The following CCAR1 variants were observed in gnomAD, a reference collection of about 807,000 sequenced individuals.
CCAR1 encodes the protein cell division cycle and apoptosis regulator 1.
Under a neutral mutation model 163.8 loss-of-function variants are expected in CCAR1, and 78 were observed. That is an observed-to-expected ratio of 0.48 (90% CI 0.40 to 0.57). The LOEUF is 0.57. CCAR1 is among the 20% of genes least tolerant of loss of function. The pLI is 0.00. For synonymous variants in CCAR1, 443 were observed against 460.7 expected (o/e 0.96, Z 0.49); for missense variants, 1,019 against 1,365.2 (o/e 0.75, Z 4.00).
chr10:68,758,555 A>C (rs2490170), intron 15 of CCAR1, among the ~76,000 whole-genome samples: 96,134 of 144,906 alleles, frequency 0.66, 32,710 homozygotes, highest in Non-Finnish European at 0.73. Flanking sequence ...TATACAGTGT[A>C]TACATATATA....
At chr10:68,787,891 T>C in intron 21 of CCAR1, 36 bp from the exon 22 acceptor site, 2 of 1,548,454 alleles carry the variant, frequency 1.3e-6, no homozygotes, top group Non-Finnish European at 1.7e-6. Context: ...AAATGTATTT[T>C]CATCTCTGTA....
chr10:68,790,144 A>G (rs561771317), intron 24 of CCAR1, among the ~76,000 whole-genome samples: 1 of 152,204 alleles, frequency 6.6e-6, no homozygotes, highest in East Asian at 1.9e-4. Flanking sequence ...ACCTGAGGTC[A>G]GGAGTTCAAG....
chr10:68,742,820 T>A (rs1028102618), intron 6 of CCAR1, among the ~76,000 whole-genome samples: 2 of 152,172 alleles, frequency 1.3e-5, no homozygotes, highest in Admixed American at 1.3e-4. Flanking sequence ...TTTCACCATG[T>A]CGGCCAGATT....
chr10:68,724,120 C>T (rs551278541), intron 2 of CCAR1, among the ~76,000 whole-genome samples: 13 of 150,412 alleles, frequency 8.6e-5, no homozygotes, highest in East Asian at 2.0e-4. Context: ...ATCACACCAC[C>T]GCACTCCAGC....
At chr10:68,765,845 C>A in intron 16 of CCAR1, 43 bp from the exon 17 acceptor site, 1 of 1,387,204 alleles carries the variant, frequency 7.2e-7, no homozygotes, top group Non-Finnish European at 1.0e-6. Context: ...TATATACATC[C>A]TACTTGCAGA....
Position 68,788,222 on chromosome 10 carries a change from C to T in CCAR1, c.3081C>T (p.Tyr1027=). 1 of 1,603,640 alleles carries T rather than the reference C, an allele frequency of 6.2e-7. No homozygotes were observed. Among genetic ancestry groups the T allele is most frequent in the South Asian group, 1.1e-5 (1 of 88,720 alleles). The change falls in exon 23 of 25, where the codon TAC becomes TAT. Residue 1027 remains tyrosine, a synonymous_variant. Transcript: ENST00000265872. ...AAGAAAATGTTGGCCTCATTGTGTA[C>T]AATGGTGCAATGGTAGATGTAGGAA... ...DVEENVGLIV[Y]NGAMVDVGSL...
intron 2 of CCAR1, among the ~76,000 whole-genome samples, chr10:68,734,571 A>G (rs1310110054): frequency 2.0e-5 from 3 of 151,840 alleles, no homozygotes; most frequent in African/African-American, 7.3e-5. Flanking sequence ...GTCTTGGCTC[A>G]CTGCAACCTC....
At chr10:68,757,203 C>G in intron 14 of CCAR1, 91 bp from the exon 15 acceptor site, 1 of 723,808 alleles carries the variant, frequency 1.4e-6, no homozygotes, top group East Asian at 2.8e-5. Flanking sequence ...CATTTGTGAC[C>G]TTGCACAGAT....
intron 12 of CCAR1, 46 bp from the exon 13 acceptor site, chr10:68,755,324 T>C (rs781727795): frequency 6.6e-7 from 1 of 1,514,910 alleles, no homozygotes; most frequent in African/African-American, 1.4e-5. Flanking sequence ...ATTGGTAATT[T>C]GACAGGGTGC....
intron 19 of CCAR1, among the ~76,000 whole-genome samples, chr10:68,778,180 CG>C (rs941816087): frequency 2.0e-5 from 3 of 152,246 alleles, no homozygotes; most frequent in Admixed American, 1.3e-4. Flanking sequence ...TGTGCCACTA[CG>C]TTCCAGCCTG....
At chr10:68,729,075 A>G (rs995637967) in intron 2 of CCAR1, among the ~76,000 whole-genome samples, 6 of 152,196 alleles carry the variant, frequency 3.9e-5, no homozygotes, top group Non-Finnish European at 5.9e-5. Context: ...AAATATACTT[A>G]GTGTGACTGA....
At chr10:68,722,634 G>A (rs2055875721) in intron 2 of CCAR1, 57 bp downstream of exon 2, 5 of 1,333,542 alleles carry the variant, frequency 3.7e-6, no homozygotes, top group East Asian at 2.3e-5. Flanking sequence ...TTAAAACTAC[G>A]TGAATTAGGG....
intron 19 of CCAR1, among the ~76,000 whole-genome samples, chr10:68,774,001 T>C (rs12219809): frequency 6.6e-6 from 1 of 152,038 alleles, no homozygotes; most frequent in East Asian, 2.0e-4. Context: ...CAAGCGATTC[T>C]CCTGCCTCAG....
chr10:68,746,501 C>T (rs1436756862), intron 6 of CCAR1, among the ~76,000 whole-genome samples: 4 of 152,024 alleles, frequency 2.6e-5, no homozygotes, highest in African/African-American at 7.2e-5. Flanking sequence ...AAGTGATCTG[C>T]CCACCTTAGT....
intron 20 of CCAR1, 46 bp downstream of exon 20, chr10:68,786,264 A>G (rs1292798963): frequency 2.3e-6 from 3 of 1,281,584 alleles, no homozygotes; most frequent in Non-Finnish European, 3.4e-6. Context: ...GATATCTTAC[A>G]TCATCTAAAC....
intron 24 of CCAR1, among the ~76,000 whole-genome samples, chr10:68,790,315 ATT>A (rs2056838880): frequency 1.3e-5 from 2 of 151,404 alleles, no homozygotes; most frequent in Non-Finnish European, 2.9e-5. Context: ...AGATTGCACC[ATT>A]GCACTCTAGC....
chr10:68,722,315 T>A (rs1403891719), intron 1 of CCAR1, 140 bp from the exon 2 acceptor site: 2 of 567,284 alleles, frequency 3.5e-6, no homozygotes, highest in African/African-American at 1.9e-5. Flanking sequence ...CATTTGCCCT[T>A]TTTCTACTTA....
Position 68,771,300 on chromosome 10 carries a change from A to G in CCAR1, c.2393A>G (p.Asp798Gly). ...KSLLSLPEKE[D>G]KKEKDKKSKK... ...TTACTGTCTCTTCCTGAGAAAGAGG[A>G]CAAAAAAGAAAAGGATAAAAAAAGC... Residue 798 changes from aspartate to glycine, a missense_variant, in exon 18 of 25, where the codon GAC becomes GGC. Physicochemically the swap from Asp to Gly is moderately conservative, Grantham distance 94. Around this residue, in one of 4 missense-constraint regions of CCAR1, gnomAD observed 358 missense variants for 406.4 expected, o/e 0.88. Transcript: ENST00000265872. 1 of 1,608,220 alleles carries G rather than the reference A, an allele frequency of 6.2e-7. No homozygotes were observed. Among genetic ancestry groups the G allele is most frequent in the Non-Finnish European group, 8.5e-7 (1 of 1,176,698 alleles).
chr10:68,757,139 A>G (rs1176208469), intron 14 of CCAR1, among the ~76,000 whole-genome samples, 155 bp from the exon 15 acceptor site: 2 of 152,226 alleles, frequency 1.3e-5, no homozygotes, highest in African/African-American at 4.8e-5. Context: ...AAGTGGTAGA[A>G]TGTATGTACG....
Sources: gnomAD v4.1 joint callset for allele counts (sites outside exome capture counted in the v4.1 genomes callset) on GRCh38, gnomAD v4.1.1 for gene constraint, gnomAD v4.1.1 regional missense constraint, MANE v1.5 for transcripts, NCBI Gene and HGNC (gene_info 2026-07-23, HGNC 2026-07-21) for gene names.